The following NEURL1 variants were observed in gnomAD, a reference collection of about 807,000 sequenced individuals.
NEURL1 encodes neuralized E3 ubiquitin protein ligase 1.
Under a neutral mutation model 41.2 loss-of-function variants are expected in NEURL1, and 26 were observed. The ratio of observed to expected loss-of-function variants is 0.63; its 90% CI spans 0.46 to 0.87. The LOEUF (loss-of-function observed/expected upper bound fraction) is 0.87. Among genes scored for constraint, NEURL1 ranks in the 40% least tolerant of loss-of-function variants. The pLI is 0.00. For synonymous variants in NEURL1, 400 were observed against 402.3 expected (o/e 0.99, Z 0.07); for missense variants, 761 against 871.1 (o/e 0.87, Z 1.59).
intron 1 of NEURL1, among the ~76,000 whole-genome samples, chr10:103,523,764 A>ATC (rs2034405312): frequency 6.6e-6 from 1 of 152,186 alleles, no homozygotes; most frequent in African/African-American, 2.4e-5. Context: ...TATTGCCATG[A>ATC]ATGACAGAAT....
Position 103,520,992 on chromosome 10 carries a change from C to G in NEURL1, c.85+26520C>G, listed in dbSNP as rs187833770. On this transcript the variant is annotated intron_variant, in intron 1 of 5. Coordinates refer to ENST00000369780, the MANE Select transcript of NEURL1 (RefSeq NM_004210.5). ...TTAAAGGACTAAGAATTGGGAGGACCCAGGACATCCAATTAGAGAGTGCCC... is the reference window on the plus strand; with the variant it reads ...TTAAAGGACTAAGAATTGGGAGGACGCAGGACATCCAATTAGAGAGTGCCC... 1.3e-3 allele frequency among the ~76,000 whole-genome samples: 203 copies of G among 152,180 alleles called. 1 individual carries two copies. The highest frequency in any genetic ancestry group is 4.7e-3 in the African/African-American group (197 of 41,530).
intron 1 of NEURL1, among the ~76,000 whole-genome samples, chr10:103,531,619 A>C (rs2034575662): frequency 1.3e-5 from 2 of 151,884 alleles, no homozygotes; most frequent in African/African-American, 4.8e-5. Context: ...TGCATCCTCA[A>C]ACTCCTTGGG....
chr10:103,541,910 C>T (rs1002744426), intron 1 of NEURL1, among the ~76,000 whole-genome samples: 5 of 152,302 alleles, frequency 3.3e-5, no homozygotes, highest in Middle Eastern at 6.8e-3. Context: ...GGGTTGGTTT[C>T]CTTCTAGACC....
chr10:103,591,397 A>G lies in NEURL1; in HGVS notation c.*1025A>G, dbSNP rs2036043963. ...CCAGCCTTTTTCCTCAGTTTAATTA[A>G]TTTATTTATTTGGTTTGTGGTTTTG... On this transcript the variant is annotated 3_prime_UTR_variant, in exon 6 of 6. Coordinates refer to ENST00000369780, the MANE Select transcript of NEURL1 (RefSeq NM_004210.5). The G allele has an allele frequency of 6.6e-6, 1 of 151,982 alleles. No homozygotes were observed. Among genetic ancestry groups the G allele is most frequent in the Admixed American group, 6.6e-5 (1 of 15,256 alleles). The allele number at this position is 151,982 out of a possible 1,614,324, so 9.4% of individuals were successfully genotyped here.
intron 1 of NEURL1, among the ~76,000 whole-genome samples, chr10:103,519,137 C>A (rs1232481763): frequency 6.6e-6 from 1 of 151,962 alleles, no homozygotes; most frequent in Non-Finnish European, 1.5e-5. Flanking sequence ...ATCCCAGCTA[C>A]TCGGGAGGCT....
intron 1 of NEURL1, among the ~76,000 whole-genome samples, chr10:103,521,114 G>C (rs1477709573): frequency 6.6e-6 from 1 of 152,142 alleles, no homozygotes; most frequent in Admixed American, 6.5e-5. Flanking sequence ...GCTTCGTGAG[G>C]TGTGTTTTTA....
Position 103,589,605 on chromosome 10 carries a change from G to C in NEURL1, c.1431G>C (p.Leu477=), listed in dbSNP as rs2035995634. The C allele has an allele frequency of 1.2e-6, 2 of 1,613,964 alleles. No homozygotes were observed. Among genetic ancestry groups the C allele is most frequent in the South Asian group, 1.1e-5 (1 of 91,028 alleles). The stretch of plus-strand genomic sequence containing the variant: ...CGCCCAGTGCCCTGGGCAGCCGCCT[G>C]TCTGACCCCTTGCTCAGCACGTGCA... ...PTSPSALGSR[L]SDPLLSTCSS... is the part of the protein sequence containing the mutation. Residue 477 remains leucine (L), a synonymous_variant, in exon 5 of 6, where the codon CTG becomes CTC. Coordinates refer to ENST00000369780, the MANE Select transcript of NEURL1 (RefSeq NM_004210.5).
chr10:103,534,177 TGTA>T (rs1317728435), intron 1 of NEURL1, among the ~76,000 whole-genome samples: 1 of 91,588 alleles, frequency 1.1e-5, no homozygotes, highest in Non-Finnish European at 2.4e-5. Context: ...ATTGTCTATC[TGTA>T]TTTTTTTTTT....
At chr10:103,533,818 G>C (rs1022351214) in intron 1 of NEURL1, among the ~76,000 whole-genome samples, 3 of 152,080 alleles carry the variant, frequency 2.0e-5, no homozygotes, top group Non-Finnish European at 4.4e-5. Flanking sequence ...TTACAGGCTT[G>C]AGCCACCGCT....
chr10:103,558,537 G>C lies in NEURL1; in HGVS notation c.86-12335G>C, dbSNP rs1014189900. On this transcript the variant is annotated intron_variant, in intron 1 of 5. Coordinates refer to ENST00000369780, the MANE Select transcript of NEURL1 (RefSeq NM_004210.5). The surrounding 1 kb of genome is among the most constrained non-coding windows in gnomAD (Gnocchi z 4.2). Reference sequence around the variant, plus strand: ...TGTGTGTGTGTGTGTGTGTGTGTGTGTGTGTGTGTGTAGTGGGGCTGGTGG... The same window carrying C: ...TGTGTGTGTGTGTGTGTGTGTGTGTCTGTGTGTGTGTAGTGGGGCTGGTGG... Among the ~76,000 whole-genome samples the C allele has an allele frequency of 6.6e-6, 1 of 150,382 alleles. No individual in the cohort carries two copies. The highest frequency in any genetic ancestry group is 6.6e-5 in the Admixed American group (1 of 15,196).
intron 1 of NEURL1, among the ~76,000 whole-genome samples, chr10:103,547,161 T>G (rs1038761969): frequency 2.0e-5 from 3 of 152,226 alleles, no homozygotes; most frequent in Non-Finnish European, 4.4e-5. Flanking sequence ...AAATGGACAC[T>G]TAGTAGATGT....
intron 1 of NEURL1, among the ~76,000 whole-genome samples, chr10:103,535,853 G>A (rs2034680175): frequency 6.6e-6 from 1 of 152,132 alleles, no homozygotes; most frequent in Non-Finnish European, 1.5e-5. Flanking sequence ...AGGGATGAAG[G>A]GGACCCATGG....
intron 1 of NEURL1, among the ~76,000 whole-genome samples, chr10:103,567,176 G>C (rs573838704): frequency 6.6e-6 from 1 of 151,880 alleles, no homozygotes; most frequent in South Asian, 2.1e-4. Flanking sequence ...TAGAGACAGG[G>C]TTTCACCGTG....
intron 3 of NEURL1, among the ~76,000 whole-genome samples, chr10:103,573,683 C>T (rs1301954742): frequency 6.6e-6 from 1 of 152,152 alleles, no homozygotes; most frequent in Non-Finnish European, 1.5e-5. Context: ...TGACTTAGCC[C>T]AGGACTTAAC....
At chr10:103,553,782 C>T (rs769729011) in intron 1 of NEURL1, among the ~76,000 whole-genome samples, 8 of 152,222 alleles carry the variant, frequency 5.3e-5, no homozygotes, top group Non-Finnish European at 8.8e-5. Flanking sequence ...CTCTGTCCTC[C>T]CACCTGCCCG....
intron 1 of NEURL1, among the ~76,000 whole-genome samples, chr10:103,524,682 C>T (rs762960663): frequency 6.6e-5 from 10 of 152,098 alleles, no homozygotes; most frequent in Non-Finnish European, 1.3e-4. Context: ...GTTTTCCTAG[C>T]ATCATTTGTT....
rs1195556821 is a variant in NEURL1 at position 103,555,277 on chromosome 10, G to GCGGGGGAGGAGA, written c.86-15583_86-15572dup. ...GGCCCTGCCATGCCGGTCTCCGCCC[G>GCGGGGGAGGAGA]CGGGGGAGGAGACGGGGGAGGAGGA... On this transcript the variant is annotated intron_variant, in intron 1 of 5. Coordinates refer to ENST00000369780, the MANE Select transcript of NEURL1 (RefSeq NM_004210.5). The GCGGGGGAGGAGA allele has an allele frequency of 5.2e-5, 59 of 1,131,464 alleles. No individual in the cohort carries two copies. The African/African-American group carries it at 9.5e-4, about 18-fold the overall frequency. 70.1% of individuals were successfully genotyped at this position (1,131,464 alleles called of 1,614,324 possible).
intron 3 of NEURL1, among the ~76,000 whole-genome samples, chr10:103,573,927 T>G (rs1016305268): frequency 2.6e-5 from 4 of 152,210 alleles, no homozygotes; most frequent in African/African-American, 9.7e-5. Flanking sequence ...CTGGTGCTTC[T>G]CTCAGTACTG....
At chr10:103,535,665 T>C (rs192098695) in intron 1 of NEURL1, among the ~76,000 whole-genome samples, 1 of 151,978 alleles carries the variant, frequency 6.6e-6, no homozygotes, top group East Asian at 1.9e-4. Context: ...CAAGGTACTG[T>C]GTTTAGGAGG....
Sources: gnomAD v4.1 joint callset for allele counts (sites outside exome capture counted in the v4.1 genomes callset) on GRCh38, gnomAD v4.1.1 for gene constraint, Gnocchi (gnomAD v3.1) non-coding constraint, MANE v1.5 for transcripts, NCBI Gene and HGNC (gene_info 2026-07-23, HGNC 2026-07-21) for gene names.